RASD2: variants seen among roughly 807,000 people sequenced by gnomAD.
RASD2 encodes the protein GTP-binding protein Rhes.
Under a neutral mutation model 15.8 loss-of-function variants are expected in RASD2, and 7 were observed. The ratio of observed to expected loss-of-function variants is 0.44; its 90% CI spans 0.25 to 0.83. RASD2 has a LOEUF of 0.83. RASD2 is among the 40% of genes least tolerant of loss of function. RASD2 has a pLI of 0.20. For synonymous variants in RASD2, 155 were observed against 153.6 expected (o/e 1.01, Z -0.07); for missense variants, 274 against 382.8 (o/e 0.72, Z 2.37).
At chr22:35,548,366 G>A (rs999493447) in intron 2 of RASD2, among the ~76,000 whole-genome samples, 6 of 152,236 alleles carry the variant, frequency 3.9e-5, no homozygotes, top group East Asian at 3.8e-4. Context: ...TATGTAAGGC[G>A]CTTGGTGAGC....
In RASD2 at chr22:35,541,216, G is replaced by A. The variant is rs2145866847; in HGVS notation, c.-294G>A. 6.6e-6 allele frequency: 1 copy of A among 152,050 alleles called. No individual in the cohort carries two copies. The highest frequency in any genetic ancestry group is 2.1e-4 in the South Asian group (1 of 4,820). 9.4% of individuals were successfully genotyped at this position (152,050 alleles called of 1,614,324 possible). ...GGCTCAGCAGGAGGCCCCCGGCTCG[G>A]GGCAGGGCAGGGCCGGCGGCGGCGA... is the stretch of plus-strand genomic sequence containing the variant. On this transcript the variant is annotated 5_prime_UTR_variant, in exon 1 of 3. Coordinates refer to ENST00000216127, the MANE Select transcript of RASD2 (RefSeq NM_014310.4).
In RASD2 at chr22:35,552,116, C is replaced by T; in HGVS notation, c.*84C>T. The T allele has an allele frequency of 1.4e-6, 2 of 1,477,942 alleles. No homozygotes were observed. The highest frequency in any genetic ancestry group is 1.8e-6 in the Non-Finnish European group (2 of 1,104,934). The allele number at this position is 1,477,942 out of a possible 1,614,324, so 91.6% of individuals were successfully genotyped here. Reference sequence around the variant, plus strand: ...CACTGTGCGCATCTCCCCACCGAGGCCCCGGCAGCAGTCTTGTTCACAGAC... The same window carrying T: ...CACTGTGCGCATCTCCCCACCGAGGTCCCGGCAGCAGTCTTGTTCACAGAC... On this transcript the variant is annotated 3_prime_UTR_variant, in exon 3 of 3. Coordinates refer to ENST00000216127, the MANE Select transcript of RASD2 (RefSeq NM_014310.4).
chr22:35,546,914 C>T lies in RASD2; in HGVS notation c.105C>T (p.Ile35=), dbSNP rs748335416. The T allele has an allele frequency of 1.1e-5, 17 of 1,613,266 alleles. No individual in the cohort carries two copies. Among genetic ancestry groups the T allele is most frequent in the African/African-American group, 8.0e-5 (6 of 74,914 alleles). ...LGASRVGKSS[I]VSRFLNGRFE... is the part of the protein sequence containing the mutation. ...CCTCTCGGGTGGGCAAGAGCTCCAT[C>T]GTGTCTCGCTTCCTCAATGGCCGCT... Residue 35 remains isoleucine, a synonymous_variant, in exon 2 of 3, where the codon ATC becomes ATT. Transcript: ENST00000216127.
chr22:35,552,098 C>A lies in RASD2; in HGVS notation c.*66C>A. 6.6e-7 allele frequency: 1 copy of A among 1,509,472 alleles called. No homozygotes were observed. The highest frequency in any genetic ancestry group is 1.2e-5 in the South Asian group (1 of 80,144). The allele number at this position is 1,509,472 out of a possible 1,614,324, so 93.5% of individuals were successfully genotyped here. A position where few individuals can be genotyped will look rare whatever the true frequency, so the allele number is the denominator to read the frequency against. ...GAGGTGGCCCCAGATGCCCACTGTGCGCATCTCCCCACCGAGGCCCCGGCA... is the reference window on the plus strand; with the variant it reads ...GAGGTGGCCCCAGATGCCCACTGTGAGCATCTCCCCACCGAGGCCCCGGCA... On this transcript the variant is annotated 3_prime_UTR_variant, in exon 3 of 3. Coordinates refer to ENST00000216127, the MANE Select transcript of RASD2 (RefSeq NM_014310.4).
chr22:35,540,310 C>A (rs953551599), upstream of RASD2, among the ~76,000 whole-genome samples: 2 of 151,362 alleles, frequency 1.3e-5, no homozygotes, highest in African/African-American at 4.8e-5. Flanking sequence ...GCCTTCTGGG[C>A]AAGGTGCGCG....
upstream of RASD2, among the ~76,000 whole-genome samples, chr22:35,538,389 G>C (rs1457203167): frequency 1.3e-5 from 2 of 152,022 alleles, no homozygotes; most frequent in Non-Finnish European, 2.9e-5. Flanking sequence ...GTGACAGGGA[G>C]CCCAGGGACG....
At chr22:35,535,864 G>A (rs1352205649), upstream of RASD2, among the ~76,000 whole-genome samples, 2 of 151,002 alleles carry the variant, frequency 1.3e-5, no homozygotes, top group South Asian at 2.1e-4. Flanking sequence ...TTAGAACCCA[G>A]GCTCCTGACT....
At position 35,551,620 on chromosome 22, in the gene RASD2, C is replaced by G; in HGVS notation, c.389C>G (p.Ala130Gly). 1 of 1,614,200 alleles carries G rather than the reference C, an allele frequency of 6.2e-7. No individual in the cohort carries two copies. Among genetic ancestry groups the G allele is most frequent in the Non-Finnish European group, 8.5e-7 (1 of 1,180,034 alleles). The change falls in exon 3 of 3, where the codon GCG becomes GGG. Residue 130 changes from alanine to glycine, a missense_variant. By Grantham distance (60) the Ala-to-Gly change is moderately conservative. Coordinates refer to ENST00000216127, the MANE Select transcript of RASD2 (RefSeq NM_014310.4). This position sits in a 1 kb window ranked among gnomAD's most constrained non-coding sequence, Gnocchi z 4.9. ...TGCCTGAAGAACAAGACCAAGGAGG[C>G]GGCGGAGCTGCCCATGGTCATCTGT... ...KSCLKNKTKE[A>G]AELPMVICGN...
chr22:35,550,938 G>T (rs1204689115), intron 2 of RASD2, among the ~76,000 whole-genome samples: 2 of 152,172 alleles, frequency 1.3e-5, no homozygotes, highest in African/African-American at 4.8e-5. Flanking sequence ...GACACCTGAG[G>T]TCACTGAGCA....
chr22:35,548,927 G>A (rs1266525668), intron 2 of RASD2, among the ~76,000 whole-genome samples: 1 of 152,208 alleles, frequency 6.6e-6, no homozygotes, highest in Non-Finnish European at 1.5e-5. Flanking sequence ...AGCACGTGAC[G>A]GGTATTGCAT....
At chr22:35,538,070 C>T (rs910190681), upstream of RASD2, among the ~76,000 whole-genome samples, 9 of 151,870 alleles carry the variant, frequency 5.9e-5, no homozygotes, top group African/African-American at 2.2e-4. Flanking sequence ...CCCAGCCTCC[C>T]GAGTAGCTGG....
At position 35,553,732 on chromosome 22, in the gene RASD2, T is replaced by C. The variant is rs1934740713; in HGVS notation, c.*1700T>C. 6.6e-6 allele frequency: 1 copy of C among 151,868 alleles called. No homozygotes were observed. Among genetic ancestry groups the C allele is most frequent in the South Asian group, 2.1e-4 (1 of 4,826 alleles). The allele number at this position is 151,868 out of a possible 1,614,324, so 9.4% of individuals were successfully genotyped here. A position where few individuals can be genotyped will look rare whatever the true frequency, so the allele number is the denominator to read the frequency against. On this transcript the variant is annotated 3_prime_UTR_variant, in exon 3 of 3. Coordinates refer to ENST00000216127, the MANE Select transcript of RASD2 (RefSeq NM_014310.4). ...TACACCATGCCCATGTATATACAAG[T>C]ACACACAGATGTACACACAGATGTA...
Sources: allele counts gnomAD v4.1 joint callset (sites outside exome capture counted in the v4.1 genomes callset), GRCh38; gene constraint gnomAD v4.1.1; non-coding constraint Gnocchi (gnomAD v3.1); transcripts MANE v1.5; gene names NCBI Gene and HGNC (gene_info 2026-07-23, HGNC 2026-07-21).